Variants in CNTNAP5 observed in about 807,000 individuals in gnomAD.
The protein encoded by CNTNAP5 is contactin-associated protein-like 5.
CNTNAP5 carries 72 observed loss-of-function variants against 150.2 expected under a neutral mutation model. The observed-to-expected ratio is 0.48, with a 90% CI of 0.40 to 0.58. The LOEUF is 0.58. Among genes scored for constraint, CNTNAP5 ranks in the 20% least tolerant of loss-of-function variants. The pLI, the probability that CNTNAP5 is intolerant of heterozygous loss-of-function variation, is 0.00. For missense variants in CNTNAP5, 1,636 were observed against 1,626.2 expected (o/e 1.01, Z -0.10); for synonymous variants, 672 against 619.8 (o/e 1.08, Z -1.25).
At chr2:124,233,573 C>T (rs1233759241) in intron 2 of CNTNAP5, among the ~76,000 whole-genome samples, 2 of 152,100 alleles carry the variant, frequency 1.3e-5, no homozygotes, top group Admixed American at 6.6e-5. Flanking sequence ...GAATTACCAT[C>T]GCTGAATTTA....
intron 3 of CNTNAP5, among the ~76,000 whole-genome samples, chr2:124,386,341 A>T (rs2104743305): frequency 6.6e-6 from 1 of 152,318 alleles, no homozygotes; most frequent in African/African-American, 2.4e-5. Context: ...ACTCAGAATC[A>T]CAGACTCTAC....
At chr2:124,816,993 A>G (rs186792154) in intron 19 of CNTNAP5, among the ~76,000 whole-genome samples, 162 of 152,314 alleles carry the variant, frequency 1.1e-3, no homozygotes, top group Non-Finnish European at 1.4e-3. Flanking sequence ...TGTGGGGTGT[A>G]AACATGAGGG....
In CNTNAP5 at chr2:124,543,445, C is replaced by T. The variant is rs898356860; in HGVS notation, c.1649+15989C>T. The stretch of plus-strand genomic sequence containing the variant: ...CTGAGTGTACCCTGTGGATTCTGTG[C>T]GCCCCTAAGCAACTCCTACAGGCTG... On this transcript the variant is annotated intron_variant, in intron 10 of 23. Coordinates refer to ENST00000682447, the MANE Select transcript of CNTNAP5 (RefSeq NM_001367498.1). Among the ~76,000 whole-genome samples, 7 of 152,218 alleles carry T rather than the reference C, an allele frequency of 4.6e-5. No individual in the cohort carries two copies. The South Asian group carries it at 6.2e-4, about 14-fold the overall frequency.
intron 16 of CNTNAP5, among the ~76,000 whole-genome samples, chr2:124,769,716 G>A (rs1310980021): frequency 6.6e-6 from 1 of 152,172 alleles, no homozygotes. Context: ...CAACTGCACA[G>A]GTTTCCAGGT....
In CNTNAP5 at chr2:124,504,626, A is replaced by T. The variant is rs1220734240; in HGVS notation, c.1327+70A>T. ...TCGACAAAGGTTGAGGTCCTGACAA[A>T]AACATACAGAATCCAAATCTCAGGG... On this transcript the variant is annotated intron_variant, in intron 8 of 23. Transcript: ENST00000682447. The T allele has an allele frequency of 2.7e-6, 4 of 1,471,924 alleles. No individual in the cohort carries two copies. The African/African-American group carries it at 5.6e-5, about 21-fold the overall frequency. The allele number at this position is 1,471,924 out of a possible 1,614,324, so 91.2% of individuals were successfully genotyped here. A position where few individuals can be genotyped will look rare whatever the true frequency, so the allele number is the denominator to read the frequency against.
intron 12 of CNTNAP5, among the ~76,000 whole-genome samples, chr2:124,611,170 G>A (rs1319158756): frequency 6.6e-6 from 1 of 152,198 alleles, no homozygotes; most frequent in Non-Finnish European, 1.5e-5. Flanking sequence ...CATTTATGGA[G>A]TGCTTTCTGT....
At chr2:124,519,714 T>C (rs2104881427) in intron 8 of CNTNAP5, among the ~76,000 whole-genome samples, 1 of 152,372 alleles carries the variant, frequency 6.6e-6, no homozygotes, top group South Asian at 2.1e-4. Context: ...GATATATTAT[T>C]AGCTATTTTT....
At chr2:124,753,515 C>T (rs984381450) in intron 14 of CNTNAP5, among the ~76,000 whole-genome samples, 3 of 152,310 alleles carry the variant, frequency 2.0e-5, no homozygotes, top group African/African-American at 7.2e-5. Context: ...CAAATTTTAA[C>T]CTACATGCCT....
At chr2:124,756,563 C>G (rs1437928553) in intron 14 of CNTNAP5, among the ~76,000 whole-genome samples, 2 of 152,122 alleles carry the variant, frequency 1.3e-5, no homozygotes, top group Non-Finnish European at 2.9e-5. Context: ...TACATATATA[C>G]CATGAAATAC....
At chr2:124,172,256 A>T (rs1684951732) in intron 1 of CNTNAP5, among the ~76,000 whole-genome samples, 1 of 152,178 alleles carries the variant, frequency 6.6e-6, no homozygotes, top group Admixed American at 6.5e-5. Flanking sequence ...TTATTTTTTT[A>T]AATAACTACT....
intron 1 of CNTNAP5, among the ~76,000 whole-genome samples, chr2:124,206,823 T>C (rs1420336352): frequency 6.6e-6 from 1 of 152,176 alleles, no homozygotes; most frequent in Non-Finnish European, 1.5e-5. Context: ...GACAGAAGCC[T>C]GATACATGCA....
intron 8 of CNTNAP5, among the ~76,000 whole-genome samples, chr2:124,517,733 G>A (rs1478473753): frequency 3.4e-5 from 5 of 148,644 alleles, no homozygotes; most frequent in Non-Finnish European, 7.4e-5. Flanking sequence ...TGTTGGTGAT[G>A]GAGGGTTTTG....
intron 3 of CNTNAP5, among the ~76,000 whole-genome samples, chr2:124,375,047 A>G (rs1426655486): frequency 7.2e-5 from 11 of 152,016 alleles, no homozygotes; most frequent in South Asian, 2.1e-4. Context: ...AGGGAAAAGG[A>G]GCAGCTCTTT....
At chr2:124,860,503 CTT>C in intron 19 of CNTNAP5, among the ~76,000 whole-genome samples, 1 of 59,456 alleles carries the variant, frequency 1.7e-5, no homozygotes, top group African/African-American at 7.5e-5. Flanking sequence ...TTCCTTCCTT[CTT>C]TCCTTCCTTC....
intron 11 of CNTNAP5, among the ~76,000 whole-genome samples, chr2:124,584,151 C>T (rs1696475323): frequency 6.6e-6 from 1 of 152,212 alleles, no homozygotes; most frequent in Non-Finnish European, 1.5e-5. Flanking sequence ...ACAGCCTACA[C>T]ACACCAGCCC....
At chr2:124,289,483 G>T (rs572724473) in intron 3 of CNTNAP5, among the ~76,000 whole-genome samples, 1 of 152,256 alleles carries the variant, frequency 6.6e-6, no homozygotes, top group East Asian at 1.9e-4. Flanking sequence ...ATACAAATTT[G>T]TCATCAGTCT....
At chr2:124,365,354 G>T (rs1051353010) in intron 3 of CNTNAP5, among the ~76,000 whole-genome samples, 20 of 151,532 alleles carry the variant, frequency 1.3e-4, no homozygotes, top group African/African-American at 4.4e-4. Context: ...GGATGTCAAT[G>T]GGGAAGAATA....
chr2:124,296,243 A>G (rs895690924), intron 3 of CNTNAP5, among the ~76,000 whole-genome samples: 1 of 152,216 alleles, frequency 6.6e-6, no homozygotes, highest in Non-Finnish European at 1.5e-5. Context: ...TAATGCCACA[A>G]AGATTTATTT....
intron 7 of CNTNAP5, among the ~76,000 whole-genome samples, chr2:124,497,705 C>G (rs1694183809): frequency 6.6e-6 from 1 of 152,168 alleles, no homozygotes; most frequent in South Asian, 2.1e-4. Context: ...CAAAAATACC[C>G]AGTGACCAAT....
Sources: gnomAD v4.1 joint callset for allele counts (sites outside exome capture counted in the v4.1 genomes callset) on GRCh38, gnomAD v4.1.1 for gene constraint, MANE v1.5 for transcripts, NCBI Gene and HGNC (gene_info 2026-07-23, HGNC 2026-07-21) for gene names.